SEL1L2: variants seen among roughly 807,000 people sequenced by gnomAD.
The protein encoded by SEL1L2 is protein sel-1 homolog 2.
SEL1L2 carries 89 observed loss-of-function variants against 98.8 expected under a neutral mutation model. The observed-to-expected ratio is 0.90, with a 90% CI of 0.76 to 1.07. The LOEUF (loss-of-function observed/expected upper bound fraction) is 1.07, where lower values mean the gene tolerates loss of function less well. Among genes scored for constraint, SEL1L2 ranks in the 50% least tolerant of loss-of-function variants. The pLI, the probability that SEL1L2 is intolerant of heterozygous loss-of-function variation, is 0.00. For missense variants in SEL1L2, 788 were observed against 812.0 expected (o/e 0.97, Z 0.36); for synonymous variants, 262 against 278.5 (o/e 0.94, Z 0.59).
At chr20:13,943,781 T>C (rs1303330310) in intron 2 of SEL1L2, among the ~76,000 whole-genome samples, 1 of 152,130 alleles carries the variant, frequency 6.6e-6, no homozygotes. Context: ...GACCCAGTAG[T>C]CTGGGAGAGG....
At chr20:13,954,908 A>G (rs985802431) in intron 2 of SEL1L2, among the ~76,000 whole-genome samples, 3 of 152,222 alleles carry the variant, frequency 2.0e-5, no homozygotes, top group African/African-American at 7.2e-5. Context: ...TGCTAATAAC[A>G]ATCCCACTGC....
At chr20:13,960,235 T>C (rs375866679) in intron 1 of SEL1L2, among the ~76,000 whole-genome samples, 1 of 152,148 alleles carries the variant, frequency 6.6e-6, no homozygotes, top group African/African-American at 2.4e-5. Flanking sequence ...CAAACTGTCA[T>C]GTGTATTTGA....
upstream of SEL1L2, chr20:13,995,209 C>T (rs2052612912): frequency 2.3e-5 from 4 of 172,850 alleles, no homozygotes; most frequent in South Asian, 5.2e-4. This position sits in a 1 kb window ranked among gnomAD's most constrained non-coding sequence, Gnocchi z 4.3. Flanking sequence ...GCGGTAAGCG[C>T]GGTCCACCTC....
chr20:13,885,460 A>T, intron 9 of SEL1L2, 57 bp from the exon 10 acceptor site: 1 of 1,119,396 alleles, frequency 8.9e-7, no homozygotes, highest in Non-Finnish European at 1.4e-6. Context: ...AAATAAAGAA[A>T]ACATTTATGT....
chr20:13,955,306 A>C (rs2148442645), intron 2 of SEL1L2, among the ~76,000 whole-genome samples: 1 of 152,090 alleles, frequency 6.6e-6, no homozygotes, highest in East Asian at 1.9e-4. Context: ...AATTTTAGAG[A>C]GTGATTGTAA....
intron 8 of SEL1L2, 36 bp from the exon 9 acceptor site, chr20:13,886,478 A>G: frequency 6.3e-7 from 1 of 1,588,924 alleles, no homozygotes. Flanking sequence ...TAGCTAGAAA[A>G]CAGAGGCTGC....
At chr20:13,920,351 A>G (rs1390010139) in intron 3 of SEL1L2, among the ~76,000 whole-genome samples, 4 of 152,190 alleles carry the variant, frequency 2.6e-5, no homozygotes, top group Non-Finnish European at 5.9e-5. Context: ...ATGAGGGCTC[A>G]GAATCAGTTT....
At chr20:13,938,960 T>A (rs1368904874) in intron 2 of SEL1L2, among the ~76,000 whole-genome samples, 2 of 151,938 alleles carry the variant, frequency 1.3e-5, no homozygotes, top group Non-Finnish European at 2.9e-5. Context: ...GCAGGTGTTC[T>A]GAGTCTTGGA....
chr20:13,852,410 T>C (rs983682110), intron 18 of SEL1L2, among the ~76,000 whole-genome samples: 6 of 152,204 alleles, frequency 3.9e-5, no homozygotes, highest in Non-Finnish European at 8.8e-5. Context: ...TGAATGCTTC[T>C]AGCTAACTAG....
intron 5 of SEL1L2, among the ~76,000 whole-genome samples, chr20:13,908,980 A>G (rs1313608502): frequency 1.3e-5 from 2 of 149,344 alleles, no homozygotes; most frequent in Admixed American, 1.3e-4. Context: ...TTATTGTTAA[A>G]TAGGGTCCCT....
chr20:13,870,922 C>CAAAAAAAAA (rs534578783), intron 12 of SEL1L2, among the ~76,000 whole-genome samples: 2 of 53,174 alleles, frequency 3.8e-5, no homozygotes, highest in Admixed American at 2.1e-4. Flanking sequence ...AACTCCATCT[C>CAAAAAAAAA]AAAAAAAAAA....
At chr20:13,977,350 A>G (rs2051590460) in intron 1 of SEL1L2, among the ~76,000 whole-genome samples, 1 of 152,210 alleles carries the variant, frequency 6.6e-6, no homozygotes, top group Admixed American at 6.5e-5. Flanking sequence ...ATGGCTATAC[A>G]GAGGAAGAGG....
intron 10 of SEL1L2, among the ~76,000 whole-genome samples, chr20:13,883,931 C>G (rs1600599328): frequency 6.6e-6 from 1 of 152,138 alleles, no homozygotes; most frequent in East Asian, 1.9e-4. Flanking sequence ...ATTATGAATC[C>G]AGATATTTCC....
chr20:13,864,464 A>G (rs1990672718), intron 17 of SEL1L2, among the ~76,000 whole-genome samples: 1 of 152,210 alleles, frequency 6.6e-6, no homozygotes, highest in Admixed American at 6.5e-5. Flanking sequence ...ACAGCTTTGC[A>G]GTATTTCTCT....
At chr20:13,979,419 A>C (rs2051701412) in intron 1 of SEL1L2, among the ~76,000 whole-genome samples, 1 of 152,266 alleles carries the variant, frequency 6.6e-6, no homozygotes, top group African/African-American at 2.4e-5. Flanking sequence ...AATGTTTACA[A>C]CACAAAGAAA....
At chr20:13,881,272 A>G (rs898358443) in intron 10 of SEL1L2, among the ~76,000 whole-genome samples, 24 of 152,168 alleles carry the variant, frequency 1.6e-4, no homozygotes, top group Non-Finnish European at 1.9e-4. Context: ...TCAGCTTCCC[A>G]AAGTACTGGG....
At chr20:13,887,708 A>G (rs935917482) in intron 8 of SEL1L2, 61 bp downstream of exon 8, 49 of 1,076,448 alleles carry the variant, frequency 4.6e-5, no homozygotes, top group African/African-American at 7.9e-5. Context: ...ACTGTTATTG[A>G]TTTATTTTTC....
At chr20:13,898,358 T>C (rs1255351820) in intron 5 of SEL1L2, among the ~76,000 whole-genome samples, 1 of 152,118 alleles carries the variant, frequency 6.6e-6, no homozygotes. Context: ...CACAGACACA[T>C]TAAAGAATAT....
rs556922556 is a variant in SEL1L2 at position 13,876,303 on chromosome 20, TA to T, written c.1027-189del. ...TACATATTTACATTTTACCTCAATT[TA>T]AAACAAGAAAAAGTAAGAGTACCAT... is the stretch of plus-strand genomic sequence containing the variant. On this transcript the variant is annotated intron_variant, in intron 11 of 19. Transcript: ENST00000284951. Among the ~76,000 whole-genome samples the T allele has an allele frequency of 1.1e-4, 16 of 152,202 alleles. No homozygotes were observed. The East Asian group carries it at 3.1e-3, about 29-fold the overall frequency.
Sources: allele counts gnomAD v4.1 joint callset (sites outside exome capture counted in the v4.1 genomes callset), GRCh38; gene constraint gnomAD v4.1.1; non-coding constraint Gnocchi (gnomAD v3.1); transcripts MANE v1.5; gene names NCBI Gene and HGNC (gene_info 2026-07-23, HGNC 2026-07-21).